Variants in CCNH observed in about 807,000 individuals in gnomAD.
CCNH encodes cyclin-H.
Under a neutral mutation model 41.9 loss-of-function variants are expected in CCNH, and 31 were observed. The ratio of observed to expected loss-of-function variants is 0.74; its 90% CI spans 0.56 to 1.00. The LOEUF (loss-of-function observed/expected upper bound fraction) is 1.00, where lower values mean the gene tolerates loss of function less well. Among genes scored for constraint, CCNH ranks in the 50% least tolerant of loss-of-function variants. The pLI, the probability that CCNH is intolerant of heterozygous loss-of-function variation, is 0.00. For missense variants in CCNH, 362 were observed against 388.4 expected (o/e 0.93, Z 0.57); for synonymous variants, 138 against 136.1 (o/e 1.01, Z -0.10).
intron 9 of CCNH, among the ~76,000 whole-genome samples, chr5:87,342,549 T>C (rs373631320): frequency 3.3e-5 from 5 of 152,186 alleles, no homozygotes; most frequent in African/African-American, 1.2e-4. Flanking sequence ...CCCAGTTTTC[T>C]TTAGACACAA....
At position 87,409,188 on chromosome 5, in the gene CCNH, T is replaced by TTC. The variant is rs150775288; in HGVS notation, c.314+100_314+101dup. On this transcript the variant is annotated intron_variant, in intron 3 of 8. Transcript: ENST00000256897. ...AAATTACCCTGTATTAGGAAGTCAG[T>TTC]TCTCTCTCTCTCTCTCTCACAATTC... 7.7e-3 allele frequency: 4,392 copies of TTC among 566,730 alleles called. 28 individuals carry two copies. Among genetic ancestry groups the TTC allele is most frequent in the African/African-American group, 0.032 (1,618 of 51,104 alleles). 35.1% of individuals were successfully genotyped at this position (566,730 alleles called of 1,614,324 possible).
At chr5:87,362,697 C>G (rs772203792) in intron 9 of CCNH, 1 of 1,595,252 alleles carries the variant, frequency 6.3e-7, no homozygotes, top group Admixed American at 1.7e-5. Flanking sequence ...TATCATTAAC[C>G]CATTTGATAG....
At chr5:87,395,936 A>G (rs1762921414) in intron 7 of CCNH, among the ~76,000 whole-genome samples, 1 of 151,990 alleles carries the variant, frequency 6.6e-6, no homozygotes, top group South Asian at 2.1e-4. Flanking sequence ...GTGAAAAACA[A>G]TAGAATATAT....
At chr5:87,388,736 A>G (rs1475384611), downstream of CCNH, among the ~76,000 whole-genome samples, 3 of 149,440 alleles carry the variant, frequency 2.0e-5, no homozygotes, top group African/African-American at 7.7e-5. Context: ...TTCTCATTGC[A>G]TTTTCATAGT....
chr5:87,362,510 C>T (rs773760921), intron 9 of CCNH: 1 of 1,553,038 alleles, frequency 6.4e-7, no homozygotes, highest in Non-Finnish European at 8.9e-7. Flanking sequence ...TCATTTCCAT[C>T]AAGAATGTAT....
At chr5:87,366,107 G>C (rs928953008) in intron 9 of CCNH, among the ~76,000 whole-genome samples, 1 of 152,086 alleles carries the variant, frequency 6.6e-6, no homozygotes, top group African/African-American at 2.4e-5. Context: ...TCATTTTGCA[G>C]ATTTACTGAA....
At chr5:87,382,297 ACTTT>A (rs1471134252) in intron 9 of CCNH, among the ~76,000 whole-genome samples, 2 of 152,212 alleles carry the variant, frequency 1.3e-5, no homozygotes, top group African/African-American at 2.4e-5. Context: ...TAACATCTTT[ACTTT>A]CTAAGAGTCC....
At position 87,349,289 on chromosome 5, in the gene CCNH, A is replaced by G. The variant is rs759627317; in HGVS notation, c.*91-30392T>C. 2.5e-6 allele frequency: 4 copies of G among 1,612,136 alleles called. No individual in the cohort carries two copies. The highest frequency in any genetic ancestry group is 1.6e-4 in the Middle Eastern group (1 of 6,070). On this transcript the variant is annotated intron_variant and NMD_transcript_variant, in intron 9 of 9. Coordinates refer to the CCNH transcript ENST00000645953. ...GATTATTCACTTTATTTCCGGACCAATGAAAATATTCAGCGATTTAAAATA... is the reference window on the plus strand; with the variant it reads ...GATTATTCACTTTATTTCCGGACCAGTGAAAATATTCAGCGATTTAAAATA...
rs3093781 is a variant in CCNH at position 87,411,759 on chromosome 5, T to C, written c.118-413A>G. ...TGTAAAAAAACAGCAAATGTTTCAA[T>C]AAATTTCTGTTATTTTAAGCTACCC... On this transcript the variant is annotated intron_variant, in intron 1 of 8. Coordinates refer to ENST00000256897, the MANE Select transcript of CCNH (RefSeq NM_001239.4). Among the ~76,000 whole-genome samples the C allele has an allele frequency of 2.7e-3, 407 of 152,334 alleles. 4 individuals carry two copies. The highest frequency in any genetic ancestry group is 8.7e-3 in the East Asian group (45 of 5,190).
intron 9 of CCNH, among the ~76,000 whole-genome samples, chr5:87,335,631 G>A (rs552129449): frequency 9.3e-4 from 142 of 151,908 alleles, no homozygotes; most frequent in Admixed American, 2.6e-3. Flanking sequence ...TCACCATGTT[G>A]GCCAGGGTAG....
At chr5:87,381,315 T>C (rs1376367022), upstream of CCNH, among the ~76,000 whole-genome samples, 1 of 152,198 alleles carries the variant, frequency 6.6e-6, no homozygotes, top group Non-Finnish European at 1.5e-5. Context: ...CAATCTGATA[T>C]CCTTGAGTCT....
At chr5:87,409,839 G>A (rs942539125) in intron 2 of CCNH, among the ~76,000 whole-genome samples, 7 of 152,158 alleles carry the variant, frequency 4.6e-5, no homozygotes, top group African/African-American at 1.7e-4. Context: ...TCCATTCCAT[G>A]ATTTGTGATC....
intron 9 of CCNH, among the ~76,000 whole-genome samples, chr5:87,323,479 G>C (rs1756981822): frequency 6.6e-6 from 1 of 152,086 alleles, no homozygotes; most frequent in African/African-American, 2.4e-5. Flanking sequence ...CCAGATGAAA[G>C]GACAGATCTG....
downstream of CCNH, among the ~76,000 whole-genome samples, chr5:87,315,874 C>CA (rs777666889): frequency 1.3e-5 from 2 of 151,872 alleles, no homozygotes; most frequent in Non-Finnish European, 2.9e-5. Flanking sequence ...AGTTTAATTT[C>CA]AAAAAATGGA....
the CCNH span, among the ~76,000 whole-genome samples, chr5:87,312,210 A>G: frequency 1.3e-5 from 2 of 152,344 alleles, no homozygotes; most frequent in South Asian, 2.1e-4. Flanking sequence ...CATTTAACTT[A>G]TATGTAACTT....
intron 7 of CCNH, among the ~76,000 whole-genome samples, chr5:87,396,830 T>G (rs764764850): frequency 1.1e-4 from 16 of 151,790 alleles, no homozygotes; most frequent in Non-Finnish European, 2.2e-4. Flanking sequence ...GTATGAAAAA[T>G]GCAAAGAAGA....
chr5:87,323,693 T>C lies in CCNH; in HGVS notation c.*91-4796A>G, dbSNP rs188640010. On this transcript the variant is annotated intron_variant and NMD_transcript_variant, in intron 9 of 9. Coordinates refer to the CCNH transcript ENST00000645953. ...AGAATGTTTAGGGTATTGTTATGGC[T>C]ATATATCTTTTGATAAGTCAATTCT... Among the ~76,000 whole-genome samples, 131 of 152,290 alleles carry C rather than the reference T, an allele frequency of 8.6e-4. 1 individual carries two copies. Among genetic ancestry groups the C allele is most frequent in the Admixed American group, 7.5e-3 (115 of 15,296 alleles).
At chr5:87,373,166 C>T (rs1761070287), downstream of CCNH, among the ~76,000 whole-genome samples, 1 of 152,050 alleles carries the variant, frequency 6.6e-6, no homozygotes, top group African/African-American at 2.4e-5. Context: ...TATCAGTGGG[C>T]AGTGTGATTT....
chr5:87,389,516 G>A (rs1762319822), downstream of CCNH: 2 of 1,613,888 alleles, frequency 1.2e-6, no homozygotes, highest in Non-Finnish European at 1.7e-6. Context: ...TAATGAGCGT[G>A]GTGCACAGCA....
Sources: allele counts gnomAD v4.1 joint callset (sites outside exome capture counted in the v4.1 genomes callset), GRCh38; gene constraint gnomAD v4.1.1; transcripts MANE v1.5; gene names NCBI Gene and HGNC (gene_info 2026-07-23, HGNC 2026-07-21).